Variants in PLXNA4 observed in about 807,000 individuals in gnomAD.
PLXNA4 encodes the protein plexin A4, also known as plexin-A4.
In PLXNA4, 44 loss-of-function variants were observed where a neutral mutation model predicts 191.8. The observed-to-expected ratio is 0.23, with a 90% CI of 0.18 to 0.29. The LOEUF (loss-of-function observed/expected upper bound fraction) is 0.29. Ranked by LOEUF, PLXNA4 falls within the 10% of genes least tolerant of loss-of-function variation. The pLI, the probability that PLXNA4 is intolerant of heterozygous loss-of-function variation, is 1.00. For synonymous variants in PLXNA4, 1,082 were observed against 1,009.5 expected, an observed-to-expected ratio of 1.07 and a Z score of -1.36; for missense variants, 1,800 against 2,488.8, an observed-to-expected ratio of 0.72 and a Z score of 5.89.
chr7:132,519,994 C>T (rs1799108403), intron 1 of PLXNA4, among the ~76,000 whole-genome samples: 1 of 152,176 alleles, frequency 6.6e-6, no homozygotes, highest in Non-Finnish European at 1.5e-5. Flanking sequence ...AGAACACAGG[C>T]TATCATTGAG....
intron 21 of PLXNA4, among the ~76,000 whole-genome samples, chr7:132,169,997 C>A (rs1796236799): frequency 6.6e-6 from 1 of 151,818 alleles, no homozygotes; most frequent in Non-Finnish European, 1.5e-5. Context: ...TTCGGAGTCA[C>A]GTCTTGAGGG....
intron 4 of PLXNA4, among the ~76,000 whole-genome samples, chr7:132,254,990 A>AG (rs1188424606): frequency 1.3e-5 from 2 of 152,126 alleles, no homozygotes; most frequent in Admixed American, 6.5e-5. Flanking sequence ...GCCCATTCTC[A>AG]GGGGGGGTGG....
intron 1 of PLXNA4, among the ~76,000 whole-genome samples, chr7:132,565,138 T>C (rs1801662117): frequency 6.6e-6 from 1 of 152,212 alleles, no homozygotes; most frequent in African/African-American, 2.4e-5. Flanking sequence ...ATAGACTCTT[T>C]CTTCTGATGC....
intron 3 of PLXNA4, among the ~76,000 whole-genome samples, chr7:132,440,002 GTGTGTGTGTA>G (rs1795633584): frequency 6.6e-6 from 1 of 151,596 alleles, no homozygotes; most frequent in Non-Finnish European, 1.5e-5. Context: ...GTGAGTGTGT[GTGTGTGTGTA>G]TGTGTGTGTG....
At chr7:132,348,700 T>C (rs1803351573) in intron 3 of PLXNA4, among the ~76,000 whole-genome samples, 1 of 151,976 alleles carries the variant, frequency 6.6e-6, no homozygotes, top group African/African-American at 2.4e-5. Flanking sequence ...GAAATTAGGG[T>C]GGGGGCAACC....
Position 132,576,318 on chromosome 7 carries a change from G to T in PLXNA4, c.-87+104C>A, listed in dbSNP as rs145115534. 5,825 of 838,166 alleles carry T rather than the reference G, an allele frequency of 6.9e-3. 34 individuals are homozygous for T. Among genetic ancestry groups the T allele is most frequent in the Middle Eastern group, 0.028 (47 of 1,654 alleles). 51.9% of individuals were successfully genotyped at this position (838,166 alleles called of 1,614,324 possible). ...GTGTGTGCGTGTGCGTGTGCCGCGG[G>T]CTGGCTCCGGGACACTGAGGACTCC... is the stretch of plus-strand genomic sequence containing the variant. On this transcript the variant is annotated intron_variant, in intron 1 of 31. Coordinates refer to ENST00000321063, the MANE Select transcript of PLXNA4 (RefSeq NM_020911.2). This position sits in a 1 kb window ranked among gnomAD's most constrained non-coding sequence, Gnocchi z 5.8.
intron 1 of PLXNA4, among the ~76,000 whole-genome samples, chr7:132,558,158 C>T (rs949240256): frequency 3.3e-5 from 5 of 152,210 alleles, no homozygotes; most frequent in African/African-American, 1.2e-4. Flanking sequence ...CAAAAATGCC[C>T]AGACCTGGCA....
chr7:132,322,799 A>G (rs1802225436), intron 3 of PLXNA4, among the ~76,000 whole-genome samples: 1 of 152,170 alleles, frequency 6.6e-6, no homozygotes, highest in Non-Finnish European at 1.5e-5. Context: ...CACTCTTTGA[A>G]ACAACCAGAG....
intron 1 of PLXNA4, among the ~76,000 whole-genome samples, chr7:132,571,516 A>G (rs1400048262): frequency 6.6e-6 from 1 of 152,132 alleles, no homozygotes; most frequent in Non-Finnish European, 1.5e-5. Context: ...GGAGTAATAA[A>G]TGAATGAATG....
At chr7:132,500,154 A>C (rs541353984) in intron 2 of PLXNA4, among the ~76,000 whole-genome samples, 2 of 152,314 alleles carry the variant, frequency 1.3e-5, no homozygotes, top group East Asian at 1.9e-4. Context: ...ACCCAAATGC[A>C]TTATCTTATC....
At chr7:132,557,200 C>G (rs901616320) in intron 1 of PLXNA4, among the ~76,000 whole-genome samples, 2 of 152,178 alleles carry the variant, frequency 1.3e-5, no homozygotes, top group African/African-American at 4.8e-5. Flanking sequence ...TGTGATCAGT[C>G]ACAAAATTAG....
At chr7:132,309,286 G>C (rs1056523931) in intron 3 of PLXNA4, among the ~76,000 whole-genome samples, 1 of 152,196 alleles carries the variant, frequency 6.6e-6, no homozygotes, top group Non-Finnish European at 1.5e-5. Context: ...GCCTCGCTGA[G>C]AGATGCGGCA....
chr7:132,191,515 C>T (rs1797086012), intron 14 of PLXNA4, among the ~76,000 whole-genome samples: 1 of 152,138 alleles, frequency 6.6e-6, no homozygotes, highest in Admixed American at 6.5e-5. Context: ...AGGGCAGAGG[C>T]AGCTAAGGTT....
chr7:132,612,264 G>A (rs536753486), intron 2 of PLXNA4, among the ~76,000 whole-genome samples: 3 of 152,118 alleles, frequency 2.0e-5, no homozygotes, highest in Admixed American at 6.5e-5. Context: ...GTGTGACCTC[G>A]AAAAAAATTG....
At chr7:132,545,938 C>A (rs1053827337) in intron 1 of PLXNA4, among the ~76,000 whole-genome samples, 1 of 152,206 alleles carries the variant, frequency 6.6e-6, no homozygotes, top group Non-Finnish European at 1.5e-5. Context: ...AGAAGAGGAC[C>A]AGCAGTTGCC....
intron 3 of PLXNA4, among the ~76,000 whole-genome samples, chr7:132,380,764 A>G (rs1207293028): frequency 6.6e-6 from 1 of 152,232 alleles, no homozygotes; most frequent in Non-Finnish European, 1.5e-5. Flanking sequence ...AGAACTTGCT[A>G]AAGCACCGAT....
chr7:132,186,660 T>C (rs555610316), intron 15 of PLXNA4, among the ~76,000 whole-genome samples: 7 of 152,334 alleles, frequency 4.6e-5, no homozygotes, highest in Non-Finnish European at 8.8e-5. Context: ...ATTTCTGACA[T>C]AGAAAAATTA....
chr7:132,173,340 G>C (rs10257687), intron 21 of PLXNA4, among the ~76,000 whole-genome samples: 1,833 of 151,832 alleles, frequency 0.012, 52 homozygotes, highest in African/African-American at 0.042. Flanking sequence ...TACACGTTAT[G>C]TTTTTATTTA....
In PLXNA4 at chr7:132,368,934, C is replaced by T. The variant is rs549924404; in HGVS notation, c.1372-70712G>A. On this transcript the variant is annotated intron_variant, in intron 3 of 31. Transcript: ENST00000321063. ...CACATAGCACTCTGAAAATGTTTGCCGCTGTCAGCACCACCTGAAGGGGCT... is the reference window on the plus strand; with the variant it reads ...CACATAGCACTCTGAAAATGTTTGCTGCTGTCAGCACCACCTGAAGGGGCT... Among the ~76,000 whole-genome samples, 34 of 152,310 alleles carry T rather than the reference C, an allele frequency of 2.2e-4. No homozygotes were observed. In the South Asian group the frequency reaches 5.6e-3, roughly 25 times the overall value.
Sources: allele counts gnomAD v4.1 joint callset (sites outside exome capture counted in the v4.1 genomes callset), GRCh38; gene constraint gnomAD v4.1.1; non-coding constraint Gnocchi (gnomAD v3.1); transcripts MANE v1.5; gene names NCBI Gene and HGNC (gene_info 2026-07-23, HGNC 2026-07-21).